The following OSTF1 variants were observed in gnomAD, a reference collection of about 807,000 sequenced individuals.
OSTF1 encodes osteoclast stimulating factor 1, also known as osteoclast-stimulating factor 1.
In OSTF1, 27 loss-of-function variants were observed where a neutral mutation model predicts 37.2. The ratio of observed to expected loss-of-function variants is 0.73; its 90% confidence interval spans 0.54 to 1.00. OSTF1 has a LOEUF of 1.00. Ranked by LOEUF, OSTF1 falls within the 50% of genes least tolerant of loss-of-function variation. The pLI, the probability that OSTF1 is intolerant of heterozygous loss-of-function variation, is 0.00. For missense variants in OSTF1, 232 were observed against 253.8 expected (o/e 0.91, Z 0.58); for synonymous variants, 82 against 89.2 (o/e 0.92, Z 0.46).
At chr9:75,097,659 T>C (rs1054108308) in intron 1 of OSTF1, among the ~76,000 whole-genome samples, 3 of 152,150 alleles carry the variant, frequency 2.0e-5, no homozygotes, top group Admixed American at 6.5e-5. Context: ...ATTACTGTTA[T>C]AATCAACTTT....
chr9:75,142,339 C>T (rs1825956636), intron 9 of OSTF1, among the ~76,000 whole-genome samples: 1 of 152,018 alleles, frequency 6.6e-6, no homozygotes, highest in Admixed American at 6.5e-5. Context: ...GTTCGACCTC[C>T]TACTCCTTGC....
At chr9:75,143,019 A>C (rs920648062) in intron 9 of OSTF1, among the ~76,000 whole-genome samples, 13 of 150,764 alleles carry the variant, frequency 8.6e-5, no homozygotes, top group African/African-American at 2.9e-4. Flanking sequence ...AGTTCACTGC[A>C]ACCTCCGCCT....
At chr9:75,117,267 T>A (rs1825505701) in intron 1 of OSTF1, among the ~76,000 whole-genome samples, 1 of 152,216 alleles carries the variant, frequency 6.6e-6, no homozygotes, top group Non-Finnish European at 1.5e-5. Context: ...TATGGCCATC[T>A]TATGGTGGTA....
intron 1 of OSTF1, among the ~76,000 whole-genome samples, chr9:75,097,686 A>G (rs866788377): frequency 3.9e-5 from 6 of 152,022 alleles, no homozygotes; most frequent in African/African-American, 1.5e-4. Context: ...TCCAAACATA[A>G]AAGTCTAATG....
In OSTF1 at chr9:75,131,791, T is replaced by C. The variant is rs1285933067; in HGVS notation, c.218T>C (p.Ile73Thr). ...CTAGTGGCTGAGCAGGCAGAATCCA[T>C]TGACAATCCATTGCATGAAGCAGCA... Reference protein sequence around the residue: ...SNYVAEQAESIDNPLHEAAKR... With the variant: ...SNYVAEQAESTDNPLHEAAKR... The change falls in exon 5 of 10, where the codon ATT becomes ACT. Residue 73 changes from isoleucine to threonine, a missense_variant. Ile to Thr is a moderately conservative substitution (Grantham distance 89). Transcript: ENST00000346234. 11 of 1,613,732 alleles carry C rather than the reference T, an allele frequency of 6.8e-6. No individual in the cohort carries two copies. Among genetic ancestry groups the C allele is most frequent in the South Asian group, 2.2e-5 (2 of 91,072 alleles).
intron 1 of OSTF1, among the ~76,000 whole-genome samples, chr9:75,112,001 C>T (rs773606202): frequency 2.7e-5 from 4 of 150,762 alleles, no homozygotes; most frequent in Non-Finnish European, 5.9e-5. Flanking sequence ...TTTTTTGTAT[C>T]TTTAGTAGAG....
intron 2 of OSTF1, among the ~76,000 whole-genome samples, chr9:75,119,809 C>A (rs1225920789): frequency 6.6e-6 from 1 of 152,088 alleles, no homozygotes; most frequent in Admixed American, 6.5e-5. Context: ...ACTAAAAATA[C>A]GAAAATTAGC....
chr9:75,103,254 G>A (rs1825226091), intron 1 of OSTF1, among the ~76,000 whole-genome samples: 1 of 152,144 alleles, frequency 6.6e-6, no homozygotes. Flanking sequence ...TTGTACTATA[G>A]CCTGGGCAAC....
At chr9:75,103,126 A>G (rs1428692021) in intron 1 of OSTF1, among the ~76,000 whole-genome samples, 2 of 129,536 alleles carry the variant, frequency 1.5e-5, no homozygotes, top group Non-Finnish European at 1.6e-5. Context: ...ATCCCTACAA[A>G]AAATAGAGAA....
At chr9:75,132,988 CA>C (rs757185193) in intron 5 of OSTF1, among the ~76,000 whole-genome samples, 34,707 of 149,944 alleles carry the variant, frequency 0.23, 4,086 homozygotes, top group Non-Finnish European at 0.25. Context: ...CACACACACA[CA>C]CACACACACA....
At chr9:75,141,967 C>T (rs1202225995) in intron 9 of OSTF1, among the ~76,000 whole-genome samples, 2 of 152,014 alleles carry the variant, frequency 1.3e-5, no homozygotes, top group Non-Finnish European at 2.9e-5. Context: ...AGGTTGGTCT[C>T]GAACTCATGG....
At chr9:75,119,886 C>T (rs1825551533) in intron 2 of OSTF1, among the ~76,000 whole-genome samples, 1 of 152,100 alleles carries the variant, frequency 6.6e-6, no homozygotes, top group Admixed American at 6.5e-5. Flanking sequence ...ATCACTTGAA[C>T]CCAGGTGGCA....
chr9:75,102,234 C>A (rs1487817568), intron 1 of OSTF1, among the ~76,000 whole-genome samples: 1 of 152,172 alleles, frequency 6.6e-6, no homozygotes, highest in Non-Finnish European at 1.5e-5. Flanking sequence ...CTTGGCCTCC[C>A]AAAGTGCTGG....
chr9:75,122,911 C>T lies in OSTF1; in HGVS notation c.82-4658C>T, dbSNP rs549296696. Among the ~76,000 whole-genome samples the T allele has an allele frequency of 3.9e-5, 6 of 152,204 alleles. No individual in the cohort carries two copies. The East Asian group carries it at 1.2e-3, about 29-fold the overall frequency. ...TCAGACTGACAAATCTTAAAAATTT[C>T]AAAAGTATATCAGTTTTTCTAAACT... On this transcript the variant is annotated intron_variant, in intron 2 of 9. Coordinates refer to ENST00000346234, the MANE Select transcript of OSTF1 (RefSeq NM_012383.5).
intron 9 of OSTF1, among the ~76,000 whole-genome samples, chr9:75,144,836 T>C (rs1343570118): frequency 6.6e-6 from 1 of 152,182 alleles, no homozygotes; most frequent in Non-Finnish European, 1.5e-5. Context: ...TTTATTTAAG[T>C]CAGGATTCAC....
chr9:75,103,034 C>A (rs911000884), intron 1 of OSTF1, among the ~76,000 whole-genome samples: 4 of 152,194 alleles, frequency 2.6e-5, no homozygotes, highest in Admixed American at 2.0e-4. Context: ...CGCTTATAAT[C>A]CCAGCACTTT....
At chr9:75,120,651 A>G (rs1293966136) in intron 2 of OSTF1, among the ~76,000 whole-genome samples, 2 of 151,838 alleles carry the variant, frequency 1.3e-5, no homozygotes, top group Non-Finnish European at 2.9e-5. Context: ...CTCACTGCCT[A>G]CAGACTTAGC....
chr9:75,113,226 G>A (rs951734530), intron 1 of OSTF1, among the ~76,000 whole-genome samples: 3 of 151,956 alleles, frequency 2.0e-5, no homozygotes, highest in Admixed American at 6.6e-5. Context: ...TACTGTTTTC[G>A]TTGATTATAA....
chr9:75,109,113 A>G (rs1825340709), intron 1 of OSTF1, among the ~76,000 whole-genome samples: 1 of 151,402 alleles, frequency 6.6e-6, no homozygotes, highest in South Asian at 2.1e-4. Flanking sequence ...GCTGTGTTCA[A>G]GAGATTCTCC....
Sources: allele counts gnomAD v4.1 joint callset (sites outside exome capture counted in the v4.1 genomes callset), GRCh38; gene constraint gnomAD v4.1.1; transcripts MANE v1.5; gene names NCBI Gene and HGNC (gene_info 2026-07-23, HGNC 2026-07-21).